PCDHA5: variants seen among roughly 807,000 people sequenced by gnomAD.
PCDHA5 encodes the protein protocadherin alpha-5.
PCDHA5 carries 43 observed loss-of-function variants against 61.6 expected under a neutral mutation model. The ratio of observed to expected loss-of-function variants is 0.70; its 90% confidence interval spans 0.55 to 0.90. The LOEUF (loss-of-function observed/expected upper bound fraction) is 0.90, where lower values mean the gene tolerates loss of function less well. PCDHA5 is among the 40% of genes least tolerant of loss of function. PCDHA5 has a pLI of 0.00. For missense variants in PCDHA5, 1,298 were observed against 1,222.7 expected (o/e 1.06, Z -0.92); for synonymous variants, 627 against 543.9 (o/e 1.15, Z -2.13).
intron 1 of PCDHA5, among the ~76,000 whole-genome samples, chr5:140,923,770 G>C (rs1554201580): frequency 6.6e-6 from 1 of 152,152 alleles, no homozygotes; most frequent in East Asian, 1.9e-4. Context: ...AATCCTACTG[G>C]GTGGATGGTT....
At position 141,005,728 on chromosome 5, in the gene PCDHA5, A is replaced by T. The variant is rs574255915; in HGVS notation, c.2501-3899A>T. On this transcript the variant is annotated intron_variant, in intron 3 of 3. Coordinates refer to ENST00000529859, the MANE Select transcript of PCDHA5 (RefSeq NM_018908.3). ...AAAAAAAAAAAAAAAAAAAAAAAAA[A>T]AAAGAATGGATGAGAAATCATTCAA... Among the ~76,000 whole-genome samples the T allele has an allele frequency of 1.3e-4, 19 of 150,362 alleles. No homozygotes were observed. The South Asian group carries it at 1.7e-3, about 13-fold the overall frequency.
intron 1 of PCDHA5, chr5:140,830,098 G>A: frequency 1.9e-6 from 3 of 1,613,644 alleles, no homozygotes; most frequent in Non-Finnish European, 2.5e-6. Flanking sequence ...TGGTGTCGCT[G>A]GTGGAGAGTG....
intron 1 of PCDHA5, among the ~76,000 whole-genome samples, chr5:140,934,143 A>T (rs1335256190): frequency 6.6e-6 from 1 of 152,000 alleles, no homozygotes; most frequent in Non-Finnish European, 1.5e-5. Context: ...TTCCTTCCTT[A>T]TATGTTTATA....
chr5:140,824,627 T>TTTTTTTTTTTTTTTTTTTTG (rs1554130003), intron 1 of PCDHA5: 1 of 134,070 alleles, frequency 7.5e-6, no homozygotes, highest in Admixed American at 7.3e-5. Context: ...TTTTTTTTTT[T>TTTTTTTTTTTTTTTTTTTTG]TTTTTATTTT....
At chr5:140,874,185 G>A (rs551629220) in intron 1 of PCDHA5, among the ~76,000 whole-genome samples, 33 of 152,158 alleles carry the variant, frequency 2.2e-4, no homozygotes, top group Non-Finnish European at 4.6e-4. Context: ...TTGTAAAGGT[G>A]TCATATTTCA....
At chr5:140,926,472 T>G in intron 1 of PCDHA5, 1 of 163,134 alleles carries the variant, frequency 6.1e-6, no homozygotes, top group East Asian at 1.8e-4. Context: ...AAAACACCGT[T>G]TAAGGAGAGA....
At chr5:140,980,858 A>T (rs2096908934) in intron 2 of PCDHA5, among the ~76,000 whole-genome samples, 2 of 152,162 alleles carry the variant, frequency 1.3e-5, no homozygotes, top group Admixed American at 1.3e-4. Flanking sequence ...TCTTTTTCGT[A>T]TGTGTGCTTG....
chr5:140,929,414 A>C, intron 1 of PCDHA5: 1 of 1,504,422 alleles, frequency 6.6e-7, no homozygotes. Flanking sequence ...GCCTTTCACA[A>C]CATTTCATCA....
At chr5:140,824,994 A>G (rs979959143) in intron 1 of PCDHA5, 3 of 152,118 alleles carry the variant, frequency 2.0e-5, no homozygotes, top group Admixed American at 2.0e-4. Context: ...AAACACATAT[A>G]CATGGTTTAC....
intron 1 of PCDHA5, chr5:140,834,353 G>A: frequency 6.5e-7 from 1 of 1,537,316 alleles, no homozygotes; most frequent in South Asian, 1.3e-5. Context: ...GGCAAGTTTT[G>A]CTGACTAGAA....
chr5:140,882,930 A>C, intron 1 of PCDHA5: 8 of 1,614,214 alleles, frequency 5.0e-6, no homozygotes, highest in Non-Finnish European at 6.8e-6. Context: ...GGTAAACCCG[A>C]GCTGACTGGC....
intron 1 of PCDHA5, chr5:140,863,344 T>C (rs1554158123): frequency 1.5e-6 from 2 of 1,323,546 alleles, no homozygotes; most frequent in Admixed American, 1.8e-5. Context: ...GTTGCTGCTG[T>C]ACACGACGCT....
At chr5:140,844,128 T>G (rs1265554097) in intron 1 of PCDHA5, among the ~76,000 whole-genome samples, 4 of 149,752 alleles carry the variant, frequency 2.7e-5, no homozygotes, top group South Asian at 2.1e-4. Flanking sequence ...ATGCATGTTT[T>G]AAATATGTTG....
intron 1 of PCDHA5, chr5:140,851,223 A>C: frequency 8.7e-7 from 1 of 1,147,456 alleles, no homozygotes; most frequent in Admixed American, 4.0e-5. Flanking sequence ...TAACATCACT[A>C]TCATTTATTT....
chr5:140,894,997 T>G (rs566489828), intron 1 of PCDHA5, among the ~76,000 whole-genome samples: 15 of 152,296 alleles, frequency 9.8e-5, no homozygotes, highest in African/African-American at 3.6e-4. Flanking sequence ...TCCTTTACCC[T>G]TTTTACTTGG....
At position 140,946,631 on chromosome 5, in the gene PCDHA5, T is replaced by TATATATATATATATATACAC. The variant is rs57893927; in HGVS notation, c.2353-32317_2353-32316insTATATATATATATATACACA. 2.9e-4 allele frequency among the ~76,000 whole-genome samples: 38 copies of TATATATATATATATATACAC among 131,846 alleles called. No individual in the cohort carries two copies. The East Asian group carries it at 4.9e-3, about 17-fold the overall frequency. The allele number at this position is 131,846 out of a possible 152,430, so 86.5% of individuals were successfully genotyped here. A position where few individuals can be genotyped will look rare whatever the true frequency, so the allele number is the denominator to read the frequency against. On this transcript the variant is annotated intron_variant, in intron 1 of 3. Transcript: ENST00000529859. ...TGTGAAATATATATATATATATATATACAATGGAATACTCATCAGCCATTA... is the reference window on the plus strand; with the variant it reads ...TGTGAAATATATATATATATATATATATATATATATATATATACACACAATGGAATACTCATCAGCCATTA...
At chr5:140,927,638 G>C (rs781909639) in intron 1 of PCDHA5, 1 of 1,614,024 alleles carries the variant, frequency 6.2e-7, no homozygotes, top group Admixed American at 1.7e-5. Flanking sequence ...GCACCCAATG[G>C]GACTGTGTTA....
chr5:140,935,526 T>C (rs558710371), intron 1 of PCDHA5, among the ~76,000 whole-genome samples: 3 of 152,232 alleles, frequency 2.0e-5, no homozygotes, highest in Non-Finnish European at 4.4e-5. Flanking sequence ...GCATGTACAG[T>C]CAAATTATTG....
intron 1 of PCDHA5, chr5:140,869,536 T>G: frequency 6.2e-7 from 1 of 1,614,170 alleles, no homozygotes; most frequent in Non-Finnish European, 8.5e-7. Flanking sequence ...GATTGCGGAA[T>G]CTAAGCAATC....
Sources: allele counts gnomAD v4.1 joint callset (sites outside exome capture counted in the v4.1 genomes callset), GRCh38; gene constraint gnomAD v4.1.1; transcripts MANE v1.5; gene names NCBI Gene and HGNC (gene_info 2026-07-23, HGNC 2026-07-21).